Variants in GFRA2 observed in about 807,000 individuals in gnomAD.
The protein encoded by GFRA2 is GDNF family receptor alpha 2.
Under a neutral mutation model 48.3 loss-of-function variants are expected in GFRA2, and 17 were observed. The observed-to-expected ratio is 0.35, with a 90% CI of 0.24 to 0.53. GFRA2 has a LOEUF of 0.53. Among genes scored for constraint, GFRA2 ranks in the 20% least tolerant of loss-of-function variants. GFRA2 has a pLI of 0.93. For missense variants in GFRA2, 660 were observed against 637.3 expected, an observed-to-expected ratio of 1.04 and a Z score of -0.38; for synonymous variants, 305 against 257.2, an observed-to-expected ratio of 1.19 and a Z score of -1.78.
chr8:21,784,050 G>C (rs1017752806), intron 1 of GFRA2, among the ~76,000 whole-genome samples: 40 of 151,932 alleles, frequency 2.6e-4, no homozygotes, highest in Non-Finnish European at 4.6e-4. Context: ...CCTTGCAAAT[G>C]GAACCTTGCT....
At chr8:21,710,846 C>T (rs779745139) in intron 4 of GFRA2, among the ~76,000 whole-genome samples, 2 of 152,206 alleles carry the variant, frequency 1.3e-5, no homozygotes, top group East Asian at 3.8e-4. Flanking sequence ...CCTCAGCGTC[C>T]AGCAGCCTTG....
chr8:21,781,678 AG>A (rs1266099678), intron 2 of GFRA2, among the ~76,000 whole-genome samples: 1 of 151,840 alleles, frequency 6.6e-6, no homozygotes, highest in Non-Finnish European at 1.5e-5. Context: ...CGGCTTCAGG[AG>A]GGCAGAGGCT....
intron 4 of GFRA2, among the ~76,000 whole-genome samples, chr8:21,742,194 C>G (rs994738858): frequency 3.3e-5 from 5 of 152,234 alleles, no homozygotes; most frequent in African/African-American, 1.2e-4. Context: ...ATGTTAAACC[C>G]CTAATCTCCA....
At chr8:21,786,857 C>T (rs1467221678) in intron 1 of GFRA2, among the ~76,000 whole-genome samples, 4 of 152,188 alleles carry the variant, frequency 2.6e-5, no homozygotes, top group Non-Finnish European at 5.9e-5. Flanking sequence ...GTGGCCTTCC[C>T]AGATCCCCTA....
rs1806628842 is a variant in GFRA2, at chr8:21,775,066, G to A, written c.356-11C>T. ...CGTAGAACTCCTCACCTGGAAGACA[G>A]AACAGGCATCAGATGCGGGCTCCTC... On this transcript the variant is annotated splice_polypyrimidine_tract_variant and intron_variant, in intron 2 of 8. Transcript: ENST00000524240. 6.8e-7 allele frequency: 1 copy of A among 1,480,584 alleles called. No individual in the cohort carries two copies. The highest frequency in any genetic ancestry group is 1.4e-5 in the African/African-American group (1 of 72,374). The allele number at this position is 1,480,584 out of a possible 1,614,324, so 91.7% of individuals were successfully genotyped here. A position where few individuals can be genotyped will look rare whatever the true frequency, so the allele number is the denominator to read the frequency against.
At chr8:21,732,517 C>T (rs1270543219) in intron 4 of GFRA2, among the ~76,000 whole-genome samples, 1 of 152,172 alleles carries the variant, frequency 6.6e-6, no homozygotes, top group Non-Finnish European at 1.5e-5. Context: ...CACGGGGGCA[C>T]ATGGGTCCAC....
chr8:21,725,596 T>C (rs1803827919), intron 4 of GFRA2, among the ~76,000 whole-genome samples: 1 of 152,272 alleles, frequency 6.6e-6, no homozygotes, highest in Non-Finnish European at 1.5e-5. Flanking sequence ...TTTGAGTGTT[T>C]AATAGGCATT....
At position 21,750,941 on chromosome 8, in the gene GFRA2, C is replaced by A. The variant is rs772111086; in HGVS notation, c.441G>T (p.Gly147=). The A allele has an allele frequency of 1.9e-6, 3 of 1,607,528 alleles. No homozygotes were observed. Among genetic ancestry groups the A allele is most frequent in the Non-Finnish European group, 2.6e-6 (3 of 1,175,920 alleles). ...CGCTGACCACCGGGTCTGCCCCTGT[C>A]CCTGGAGGAGGAACAAGAGAGCAGG... ...DIFRLASIFS[G]TGADPVVSAK... The change falls in exon 4 of 9, where the codon GGG becomes GGT. Residue 147 remains glycine, a splice_region_variant and synonymous_variant. Transcript: ENST00000524240. The surrounding 1 kb of genome is among the most constrained non-coding windows in gnomAD (Gnocchi z 5.7).
intron 3 of GFRA2, among the ~76,000 whole-genome samples, chr8:21,753,336 G>C (rs1164532668): frequency 6.6e-6 from 1 of 152,174 alleles, no homozygotes; most frequent in East Asian, 1.9e-4. Context: ...GGCTGGACAC[G>C]GTGGTTCACG....
chr8:21,730,089 G>A (rs916235125), intron 4 of GFRA2, among the ~76,000 whole-genome samples: 3 of 152,186 alleles, frequency 2.0e-5, no homozygotes, highest in South Asian at 4.2e-4. Flanking sequence ...TCAGTGTTAC[G>A]GCACGAGAAG....
chr8:21,713,167 T>C (rs75557967), intron 4 of GFRA2, among the ~76,000 whole-genome samples: 10,179 of 152,170 alleles, frequency 0.067, 638 homozygotes, highest in African/African-American at 0.17. Context: ...ATTTGTTGGA[T>C]CTGGCAACTC....
intron 2 of GFRA2, among the ~76,000 whole-genome samples, chr8:21,796,530 G>A (rs2117107965): frequency 6.6e-6 from 1 of 152,378 alleles, no homozygotes; most frequent in Non-Finnish European, 1.5e-5. Flanking sequence ...CACCTCCCAA[G>A]GGGCTGTGGC....
intron 3 of GFRA2, among the ~76,000 whole-genome samples, chr8:21,753,023 TC>T (rs1215473863): frequency 6.6e-6 from 1 of 151,960 alleles, no homozygotes; most frequent in Non-Finnish European, 1.5e-5. Flanking sequence ...CCCATGACAA[TC>T]TTCTCTCATC....
chr8:21,770,957 G>A (rs1403960637), intron 3 of GFRA2, among the ~76,000 whole-genome samples: 1 of 152,146 alleles, frequency 6.6e-6, no homozygotes, highest in African/African-American at 2.4e-5. Flanking sequence ...GGGTCATGGA[G>A]CCTGGGGATG....
intron 7 of GFRA2, among the ~76,000 whole-genome samples, chr8:21,696,617 T>C (rs1802189719): frequency 1.3e-5 from 2 of 152,128 alleles, no homozygotes; most frequent in Non-Finnish European, 2.9e-5. Context: ...AAGTGCATTT[T>C]CCCTGGCCTG....
At chr8:21,702,584 G>A (rs1440723957) in intron 7 of GFRA2, among the ~76,000 whole-genome samples, 1 of 152,206 alleles carries the variant, frequency 6.6e-6, no homozygotes, top group East Asian at 1.9e-4. Context: ...CCTATAGCCT[G>A]CAAAGCAGGT....
intron 7 of GFRA2, among the ~76,000 whole-genome samples, chr8:21,698,742 GGCACAGCAGACCCCCACTCA>G (rs1399381856): frequency 1.3e-5 from 2 of 151,038 alleles, no homozygotes; most frequent in African/African-American, 4.8e-5. Flanking sequence ...TGTAAAACCA[GGCACAGCAGACCCCCACTCA>G]GCACAGCAGA....
intron 3 of GFRA2, among the ~76,000 whole-genome samples, chr8:21,772,341 T>C (rs79032322): frequency 0.082 from 12,519 of 152,180 alleles, 661 homozygotes; most frequent in East Asian, 0.2. Flanking sequence ...CTCACTCTTA[T>C]CGACCAGGCT....
At chr8:21,744,472 C>T (rs750603155) in intron 4 of GFRA2, among the ~76,000 whole-genome samples, 22 of 151,816 alleles carry the variant, frequency 1.4e-4, no homozygotes, top group Admixed American at 2.6e-4. Context: ...TTCAGAGGAC[C>T]GCTTCCAAAT....
Sources: gnomAD v4.1 joint callset for allele counts (sites outside exome capture counted in the v4.1 genomes callset) on GRCh38, gnomAD v4.1.1 for gene constraint, Gnocchi (gnomAD v3.1) non-coding constraint, MANE v1.5 for transcripts, NCBI Gene and HGNC (gene_info 2026-07-23, HGNC 2026-07-21) for gene names.